Variants in PRKG2 observed in about 807,000 individuals in gnomAD.
PRKG2 encodes cGMP-dependent protein kinase 2.
Under a neutral mutation model 97.2 loss-of-function variants are expected in PRKG2, and 33 were observed. The observed-to-expected ratio is 0.34, with a 90% CI of 0.26 to 0.45. The LOEUF is 0.45. Among genes scored for constraint, PRKG2 ranks in the 20% least tolerant of loss-of-function variants. The pLI is 1.00. For synonymous variants in PRKG2, 330 were observed against 321.8 expected, an observed-to-expected ratio of 1.03 and a Z score of -0.27; for missense variants, 638 against 900.0, an observed-to-expected ratio of 0.71 and a Z score of 3.73.
chr4:81,203,176 A>T (rs564077891), intron 2 of PRKG2, among the ~76,000 whole-genome samples: 10 of 152,232 alleles, frequency 6.6e-5, no homozygotes, highest in African/African-American at 2.4e-4. Flanking sequence ...AGTTTGTGCC[A>T]TCTATAATTT....
intron 2 of PRKG2, among the ~76,000 whole-genome samples, chr4:81,176,986 T>C (rs1178266865): frequency 6.6e-6 from 1 of 152,204 alleles, no homozygotes; most frequent in Non-Finnish European, 1.5e-5. Context: ...ACAAATTTTT[T>C]ATTATAGATA....
At chr4:81,102,419 T>C (rs770566498) in intron 17 of PRKG2, among the ~76,000 whole-genome samples, 1 of 152,206 alleles carries the variant, frequency 6.6e-6, no homozygotes, top group African/African-American at 2.4e-5. Context: ...ATGGCTTTAA[T>C]TGACAGAGCA....
intron 11 of PRKG2, among the ~76,000 whole-genome samples, 196 bp from the exon 12 acceptor site, chr4:81,140,865 G>C (rs1747212282): frequency 6.6e-6 from 1 of 152,016 alleles, no homozygotes; most frequent in African/African-American, 2.4e-5. Flanking sequence ...TCTGGGATGT[G>C]GCTCTAAAAT....
intron 17 of PRKG2, among the ~76,000 whole-genome samples, chr4:81,093,360 A>ACACACAC (rs1741781646): frequency 6.9e-5 from 8 of 116,280 alleles, no homozygotes; most frequent in African/African-American, 2.5e-4. Flanking sequence ...CTCCCCCACC[A>ACACACAC]ACACACACAC....
At chr4:81,138,545 A>G (rs1020429062) in intron 12 of PRKG2, among the ~76,000 whole-genome samples, 1 of 152,100 alleles carries the variant, frequency 6.6e-6, no homozygotes, top group Non-Finnish European at 1.5e-5. Flanking sequence ...ACATATTATT[A>G]TGTATATTAT....
Position 81,204,908 on chromosome 4 carries a change from C to T in PRKG2, c.140G>A (p.Arg47Gln), listed in dbSNP as rs199612321. 2.2e-5 allele frequency: 36 copies of T among 1,614,068 alleles called. No homozygotes were observed. The highest frequency in any genetic ancestry group is 8.0e-5 in the African/African-American group (6 of 74,930). The part of the protein sequence containing the change: ...LRRKDAEIQE[R>Q]EYHLKELREQ... ...CCGCAGCTCCTTCAAATGGTACTCC[C>T]GCTCCTGGATCTCAGCATCCTTCCT... The change falls in exon 2 of 19, where the codon CGG (arginine) becomes CAG (glutamine). Residue 47 changes from arginine (R) to glutamine (Q), a missense_variant. Physicochemically the swap from Arg to Gln is conservative, Grantham distance 43. Transcript: ENST00000264399.
At chr4:81,105,696 G>A in intron 16 of PRKG2, 117 bp downstream of exon 16, 1 of 1,364,270 alleles carries the variant, frequency 7.3e-7, no homozygotes, top group South Asian at 1.5e-5. Context: ...AATATAATTT[G>A]CCTATATAAA....
intron 13 of PRKG2, among the ~76,000 whole-genome samples, chr4:81,136,426 A>G (rs1218255119): frequency 6.6e-6 from 1 of 152,180 alleles, no homozygotes; most frequent in Non-Finnish European, 1.5e-5. Flanking sequence ...CAACTTTGAA[A>G]AACACTGGCA....
At chr4:81,156,575 C>A (rs1267576747) in intron 6 of PRKG2, among the ~76,000 whole-genome samples, 1 of 152,122 alleles carries the variant, frequency 6.6e-6, no homozygotes, top group Non-Finnish European at 1.5e-5. Context: ...CTGCACCAAG[C>A]TGACCTAATA....
chr4:81,141,221 G>A (rs1430253687), intron 11 of PRKG2, among the ~76,000 whole-genome samples: 1 of 152,002 alleles, frequency 6.6e-6, no homozygotes, highest in Non-Finnish European at 1.5e-5. Context: ...ATGTTGCTCA[G>A]GCTAATTTCA....
chr4:81,123,773 G>A (rs1745296531), intron 14 of PRKG2, among the ~76,000 whole-genome samples: 1 of 151,982 alleles, frequency 6.6e-6, no homozygotes, highest in African/African-American at 2.4e-5. Flanking sequence ...TACATATACT[G>A]GATCTCTTTT....
intron 17 of PRKG2, among the ~76,000 whole-genome samples, chr4:81,097,913 C>A (rs377392233): frequency 9.2e-5 from 14 of 152,244 alleles, no homozygotes; most frequent in Admixed American, 1.3e-4. Context: ...TCTGTAAAGA[C>A]TACTAAAATT....
At chr4:81,141,293 G>C (rs571346752) in intron 11 of PRKG2, among the ~76,000 whole-genome samples, 1 of 152,264 alleles carries the variant, frequency 6.6e-6, no homozygotes, top group African/African-American at 2.4e-5. Context: ...TTATAAGCAT[G>C]AGCCACCGCA....
intron 17 of PRKG2, among the ~76,000 whole-genome samples, chr4:81,099,230 T>C (rs1293188025): frequency 6.6e-6 from 1 of 152,162 alleles, no homozygotes; most frequent in Non-Finnish European, 1.5e-5. Flanking sequence ...TGTTTTAAAA[T>C]ACCAAAGCCT....
chr4:81,170,886 G>A (rs1474226593), intron 4 of PRKG2, among the ~76,000 whole-genome samples: 3 of 152,026 alleles, frequency 2.0e-5, no homozygotes, highest in Non-Finnish European at 2.9e-5. Flanking sequence ...CATTCTAGAT[G>A]AGCCAAAGGC....
At chr4:81,216,895 G>C (rs991587062), upstream of PRKG2, among the ~76,000 whole-genome samples, 3 of 96,766 alleles carry the variant, frequency 3.1e-5, no homozygotes, top group Admixed American at 2.7e-4. Flanking sequence ...ATTCCATTGT[G>C]TGTGTGTGTG....
intron 11 of PRKG2, 83 bp from the exon 12 acceptor site, chr4:81,140,752 A>C: frequency 7.9e-7 from 1 of 1,258,420 alleles, no homozygotes; most frequent in Non-Finnish European, 1.1e-6. Flanking sequence ...AAACTGTTTC[A>C]TGTTTAATTA....
chr4:81,168,346 T>C (rs1295977305), intron 5 of PRKG2, among the ~76,000 whole-genome samples: 1 of 152,066 alleles, frequency 6.6e-6, no homozygotes, highest in Non-Finnish European at 1.5e-5. Flanking sequence ...TGCCTGCTAA[T>C]AAGTATTAGT....
chr4:81,131,460 C>T (rs114408621), intron 14 of PRKG2, among the ~76,000 whole-genome samples: 1 of 152,144 alleles, frequency 6.6e-6, no homozygotes, highest in African/African-American at 2.4e-5. Flanking sequence ...AGATGCTGAC[C>T]ATTTTAAAAA....
Sources: allele counts gnomAD v4.1 joint callset (sites outside exome capture counted in the v4.1 genomes callset), GRCh38; gene constraint gnomAD v4.1.1; transcripts MANE v1.5; gene names NCBI Gene and HGNC (gene_info 2026-07-23, HGNC 2026-07-21).